MGAT4C: variants seen among roughly 807,000 people sequenced by gnomAD.
The protein encoded by MGAT4C is alpha-1,3-mannosyl-glycoprotein 4-beta-N-acetylglucosaminyltransferase C.
Under a neutral mutation model 40.1 loss-of-function variants are expected in MGAT4C, and 19 were observed. The observed-to-expected ratio is 0.47, with a 90% confidence interval of 0.33 to 0.70. The LOEUF is 0.70. Among genes scored for constraint, MGAT4C ranks in the 30% least tolerant of loss-of-function variants. The pLI is 0.02. For missense variants in MGAT4C, 491 were observed against 563.2 expected (o/e 0.87, Z 1.30); for synonymous variants, 181 against 187.1 (o/e 0.97, Z 0.27).
chr12:86,729,141 T>A (rs1950869519), intron 1 of MGAT4C, among the ~76,000 whole-genome samples: 1 of 152,210 alleles, frequency 6.6e-6, no homozygotes, highest in Admixed American at 6.5e-5. Context: ...GATGCTATTA[T>A]ATTTGCTAGC....
chr12:86,312,700 T>C (rs1039064106), intron 4 of MGAT4C, among the ~76,000 whole-genome samples: 4 of 152,098 alleles, frequency 2.6e-5, no homozygotes, highest in Non-Finnish European at 4.4e-5. Flanking sequence ...ATATTTTTAG[T>C]ATTTTAATGC....
intron 2 of MGAT4C, among the ~76,000 whole-genome samples, chr12:86,661,041 A>C (rs1470876149): frequency 1.3e-5 from 2 of 152,174 alleles, no homozygotes; most frequent in Non-Finnish European, 2.9e-5. Flanking sequence ...TAAATGAGTT[A>C]GTACACCCTC....
chr12:86,197,844 G>A (rs1307545649), intron 1 of MGAT4C, among the ~76,000 whole-genome samples: 3 of 152,152 alleles, frequency 2.0e-5, no homozygotes, highest in African/African-American at 4.8e-5. Context: ...CAATTCAAAT[G>A]TATAGTCTAA....
At chr12:86,826,729 A>G (rs1196775808) in intron 1 of MGAT4C, among the ~76,000 whole-genome samples, 2 of 151,300 alleles carry the variant, frequency 1.3e-5, no homozygotes, top group African/African-American at 2.4e-5. Context: ...CCTTAGGCCA[A>G]TATGTTATAG....
chr12:86,715,701 T>C (rs1298511430), intron 2 of MGAT4C, among the ~76,000 whole-genome samples: 1 of 152,140 alleles, frequency 6.6e-6, no homozygotes, highest in Non-Finnish European at 1.5e-5. Flanking sequence ...TACACACAGC[T>C]AAGGAAGTCT....
chr12:86,575,453 G>A (rs1476080742), intron 2 of MGAT4C, among the ~76,000 whole-genome samples: 1 of 151,822 alleles, frequency 6.6e-6, no homozygotes, highest in Non-Finnish European at 1.5e-5. Flanking sequence ...ACAAATAAAT[G>A]AGAACATGTG....
chr12:86,479,073 C>A (rs986342855), intron 2 of MGAT4C, among the ~76,000 whole-genome samples: 1 of 151,980 alleles, frequency 6.6e-6, no homozygotes, highest in Non-Finnish European at 1.5e-5. Context: ...TAATAGTGAA[C>A]ACTTCCTCAT....
chr12:86,746,028 G>T (rs763596072), intron 1 of MGAT4C, among the ~76,000 whole-genome samples: 1 of 151,626 alleles, frequency 6.6e-6, no homozygotes, highest in Non-Finnish European at 1.5e-5. Flanking sequence ...TGTTCTTCTA[G>T]AACATTTCAT....
chr12:86,058,544 A>G (rs868556024), intron 1 of MGAT4C, among the ~76,000 whole-genome samples: 3 of 152,278 alleles, frequency 2.0e-5, no homozygotes, highest in East Asian at 3.9e-4. Context: ...CGACTCATAC[A>G]ATAGTCTTAT....
intron 2 of MGAT4C, among the ~76,000 whole-genome samples, chr12:86,468,412 CT>C (rs1286319572): frequency 6.6e-6 from 1 of 152,072 alleles, no homozygotes; most frequent in Non-Finnish European, 1.5e-5. Context: ...ACAGTGCCCC[CT>C]ATGTCATTTT....
At chr12:86,656,927 A>T (rs571613970) in intron 2 of MGAT4C, among the ~76,000 whole-genome samples, 1 of 152,196 alleles carries the variant, frequency 6.6e-6, no homozygotes, top group South Asian at 2.1e-4. Flanking sequence ...GCTACTTGAA[A>T]TATGTTCAAA....
intron 2 of MGAT4C, among the ~76,000 whole-genome samples, chr12:86,638,807 G>A (rs1963296568): frequency 6.6e-6 from 1 of 151,618 alleles, no homozygotes; most frequent in African/African-American, 2.4e-5. Context: ...ATGAAACTCT[G>A]CTTTCTTCTC....
chr12:86,721,091 G>C (rs2136644174), intron 2 of MGAT4C, among the ~76,000 whole-genome samples: 1 of 152,244 alleles, frequency 6.6e-6, no homozygotes, highest in African/African-American at 2.4e-5. Context: ...GGCCAATGTA[G>C]AATGGTTATT....
intron 1 of MGAT4C, among the ~76,000 whole-genome samples, chr12:86,132,813 A>G (rs1881424094): frequency 7.0e-6 from 1 of 143,228 alleles, no homozygotes; most frequent in East Asian, 2.1e-4. Context: ...AAAAAAAAAA[A>G]GAAAAAAGAA....
chr12:86,196,309 T>A (rs1189103350), intron 1 of MGAT4C, among the ~76,000 whole-genome samples: 1 of 152,190 alleles, frequency 6.6e-6, no homozygotes, highest in Non-Finnish European at 1.5e-5. Context: ...TCACGCATAA[T>A]CCTCTTTGGT....
At chr12:86,417,876 C>CA (rs1186723516) in intron 3 of MGAT4C, among the ~76,000 whole-genome samples, 3 of 151,674 alleles carry the variant, frequency 2.0e-5, no homozygotes, top group Admixed American at 6.6e-5. Context: ...TATCAAAAGC[C>CA]AAAAAACAAG....
chr12:86,429,800 A>G (rs1956998801), intron 3 of MGAT4C, among the ~76,000 whole-genome samples: 1 of 152,070 alleles, frequency 6.6e-6, no homozygotes, highest in African/African-American at 2.4e-5. Flanking sequence ...TGCTTTCTGT[A>G]TCTGGTTATT....
chr12:86,175,854 C>T (rs1254921714), intron 1 of MGAT4C, among the ~76,000 whole-genome samples: 1 of 150,584 alleles, frequency 6.6e-6, no homozygotes, highest in Non-Finnish European at 1.5e-5. Context: ...GCCAGTAGTT[C>T]CAGCTACTCG....
chr12:86,240,461 T>C (rs1428069847), intron 1 of MGAT4C, among the ~76,000 whole-genome samples: 8 of 152,096 alleles, frequency 5.3e-5, no homozygotes, highest in African/African-American at 1.7e-4. Context: ...TTAACAACAA[T>C]ATTTATTGGA....
Sources: allele counts gnomAD v4.1 joint callset (sites outside exome capture counted in the v4.1 genomes callset), GRCh38; gene constraint gnomAD v4.1.1; transcripts MANE v1.5; gene names NCBI Gene and HGNC (gene_info 2026-07-23, HGNC 2026-07-21).